ZC3H3: variants seen among roughly 807,000 people sequenced by gnomAD.
ZC3H3 encodes the protein zinc finger CCCH domain-containing protein 3.
ZC3H3 carries 36 observed loss-of-function variants against 77.3 expected under a neutral mutation model. The ratio of observed to expected loss-of-function variants is 0.47; its 90% CI spans 0.36 to 0.61. The LOEUF (loss-of-function observed/expected upper bound fraction) is 0.61. Ranked by LOEUF, ZC3H3 falls within the 20% of genes least tolerant of loss-of-function variation. The probability of loss-of-function intolerance (pLI) is 0.00; values close to 1 mark genes in which losing one functional copy is unlikely to be tolerated. For missense variants in ZC3H3, 1,331 were observed against 1,312.2 expected (o/e 1.01, Z -0.22); for synonymous variants, 626 against 555.2 (o/e 1.13, Z -1.79).
chr8:143,440,567 C>G (rs889759369), intron 10 of ZC3H3, among the ~76,000 whole-genome samples: 3 of 152,176 alleles, frequency 2.0e-5, no homozygotes, highest in Admixed American at 2.0e-4. Flanking sequence ...CGAGCCTGCC[C>G]CTCACATCCA....
chr8:143,467,902 C>A (rs1242930820), intron 8 of ZC3H3, among the ~76,000 whole-genome samples: 1 of 152,170 alleles, frequency 6.6e-6, no homozygotes, highest in African/African-American at 2.4e-5. Context: ...GTGGGACCAC[C>A]TTCCCCTAGG....
rs767511979 is a variant in ZC3H3 at position 143,462,367 on chromosome 8, C to T, written c.2307+3350G>A. 6.6e-6 allele frequency among the ~76,000 whole-genome samples: 1 copy of T among 152,150 alleles called. No individual in the cohort carries two copies. The highest frequency in any genetic ancestry group is 6.5e-5 in the Admixed American group (1 of 15,268). ...GGTGGAGACTGGTCCTAAACAAGAC[C>T]CCGAGCACAAATCACAGGGCAAAGG... is the stretch of plus-strand genomic sequence containing the variant. On this transcript the variant is annotated intron_variant, in intron 9 of 11. Coordinates refer to ENST00000262577, the MANE Select transcript of ZC3H3 (RefSeq NM_015117.3). The surrounding 1 kb of genome is among the most constrained non-coding windows in gnomAD (Gnocchi z 4.7).
intron 4 of ZC3H3, among the ~76,000 whole-genome samples, chr8:143,485,861 C>T (rs1004667368): frequency 3.3e-5 from 5 of 152,236 alleles, no homozygotes; most frequent in Non-Finnish European, 5.9e-5. Context: ...AAAAAGATGC[C>T]CAGCAATGCC....
chr8:143,441,155 C>T, intron 9 of ZC3H3, 35 bp from the exon 10 acceptor site: 1 of 1,372,134 alleles, frequency 7.3e-7, no homozygotes, highest in Non-Finnish European at 9.4e-7. Flanking sequence ...GGTGGGCCGG[C>T]TGGAGGCTGT....
intron 3 of ZC3H3, among the ~76,000 whole-genome samples, chr8:143,522,200 C>T (rs930985105): frequency 1.3e-5 from 2 of 152,242 alleles, no homozygotes; most frequent in Non-Finnish European, 2.9e-5. Flanking sequence ...CGTCATGCTG[C>T]TCCTCACAGG....
rs1172023730 is a variant in ZC3H3, at chr8:143,437,789, C to T, written c.*267G>A. On this transcript the variant is annotated 3_prime_UTR_variant, in exon 12 of 12. Coordinates refer to ENST00000262577, the MANE Select transcript of ZC3H3 (RefSeq NM_015117.3). ...CAGGGCCACTGTTGCCAATGGCAGT[C>T]GGGGACAGGCCTGGAGGCCAGCCCT... 2 of 525,130 alleles carry T rather than the reference C, an allele frequency of 3.8e-6. No individual in the cohort carries two copies. Among genetic ancestry groups the T allele is most frequent in the South Asian group, 2.2e-5 (1 of 45,316 alleles). The allele number at this position is 525,130 out of a possible 1,614,324, so 32.5% of individuals were successfully genotyped here. A position where few individuals can be genotyped will look rare whatever the true frequency, so the allele number is the denominator to read the frequency against.
rs779947176 is a variant in ZC3H3 at position 143,440,212 on chromosome 8, GGGATGAGGAGGAGGA to G, written c.2629_2643del (p.Ser877_Ser881del). 1.1e-5 allele frequency: 17 copies of G among 1,606,194 alleles called. No individual in the cohort carries two copies. The African/African-American group carries it at 2.3e-4, about 21-fold the overall frequency. On this transcript the variant is annotated inframe_deletion, in exon 11 of 12. Transcript: ENST00000262577. ...GCCTCGTGGTCCAAGGAAGCGGGAG[GGGATGAGGAGGAGGA>G]GGAGGAGGAGGAAGCCTTCGAGGAT...
chr8:143,529,344 T>C (rs73373284), intron 3 of ZC3H3, among the ~76,000 whole-genome samples: 1,529 of 152,230 alleles, frequency 0.01, 30 homozygotes, highest in African/African-American at 0.035. Context: ...GGCCAAACAG[T>C]GCAAAGCCAC....
intron 9 of ZC3H3, among the ~76,000 whole-genome samples, chr8:143,448,868 G>A (rs770814633): frequency 1.3e-5 from 2 of 152,208 alleles, no homozygotes; most frequent in Non-Finnish European, 2.9e-5. Context: ...GCTTTTCCAC[G>A]TATCCTCTGA....
At chr8:143,523,561 C>A (rs1822318536) in intron 3 of ZC3H3, 1 of 984,700 alleles carries the variant, frequency 1.0e-6, no homozygotes. Flanking sequence ...TGGTGAGCTC[C>A]CAGAGGCAGT....
At chr8:143,458,322 G>C (rs1314059634) in intron 9 of ZC3H3, among the ~76,000 whole-genome samples, 1 of 152,278 alleles carries the variant, frequency 6.6e-6, no homozygotes, top group Non-Finnish European at 1.5e-5. Context: ...AGGAGACTGA[G>C]TCAGTAATCA....
At chr8:143,465,916 GGACCCTCCTAC>G in intron 8 of ZC3H3, 68 bp from the exon 9 acceptor site, 1 of 1,550,896 alleles carries the variant, frequency 6.4e-7, no homozygotes, top group South Asian at 1.2e-5. Context: ...CGGTGGCTGG[GGACCCTCCTAC>G]GGCCCCGCCC....
chr8:143,495,684 C>T (rs973943091), intron 4 of ZC3H3, among the ~76,000 whole-genome samples: 5 of 152,094 alleles, frequency 3.3e-5, no homozygotes, highest in Middle Eastern at 3.4e-3. Context: ...TGGGCTCAAG[C>T]GATCCTCCTG....
At chr8:143,440,493 C>G (rs751194915) in intron 10 of ZC3H3, 130 bp from the exon 11 acceptor site, 2 of 1,417,606 alleles carry the variant, frequency 1.4e-6, no homozygotes, top group Non-Finnish European at 1.8e-6. Flanking sequence ...GCTGGAGGCA[C>G]AGGTCAGGCC....
At chr8:143,477,931 G>A (rs1440199141) in intron 4 of ZC3H3, among the ~76,000 whole-genome samples, 4 of 152,106 alleles carry the variant, frequency 2.6e-5, no homozygotes, top group African/African-American at 9.7e-5. Context: ...GGCTGCTCAG[G>A]GCCAGCCTGG....
At chr8:143,540,720 C>A (rs1467334567) in intron 1 of ZC3H3, among the ~76,000 whole-genome samples, 2 of 151,796 alleles carry the variant, frequency 1.3e-5, no homozygotes, top group East Asian at 3.9e-4. Flanking sequence ...CTTTGGGAGG[C>A]CGAGGCGGGT....
chr8:143,448,263 A>G (rs7834554), intron 9 of ZC3H3, among the ~76,000 whole-genome samples: 150,839 of 151,624 alleles, frequency 0.99, 75,030 homozygotes, highest in East Asian at 1. Context: ...CCAAGATAGC[A>G]CCATTGCACT....
chr8:143,489,834 C>CCAACCGCAAATT (rs1821152337), intron 4 of ZC3H3, among the ~76,000 whole-genome samples: 1 of 152,198 alleles, frequency 6.6e-6, no homozygotes, highest in Admixed American at 6.5e-5. Context: ...TAGCAGACGT[C>CCAACCGCAAATT]CAACCGCAAA....
intron 4 of ZC3H3, among the ~76,000 whole-genome samples, chr8:143,477,080 C>T (rs993395218): frequency 9.2e-5 from 14 of 152,154 alleles, no homozygotes; most frequent in South Asian, 4.1e-4. Flanking sequence ...CGGGTTCCAC[C>T]GCCATCCCCA....
Sources: allele counts gnomAD v4.1 joint callset (sites outside exome capture counted in the v4.1 genomes callset), GRCh38; gene constraint gnomAD v4.1.1; non-coding constraint Gnocchi (gnomAD v3.1); transcripts MANE v1.5; gene names NCBI Gene and HGNC (gene_info 2026-07-23, HGNC 2026-07-21).